SRGAP2B: variants seen among roughly 807,000 people sequenced by gnomAD.
The protein encoded by SRGAP2B is SLIT-ROBO Rho GTPase-activating protein 2B.
SRGAP2B carries 9 observed loss-of-function variants against 22.2 expected under a neutral mutation model. The ratio of observed to expected loss-of-function variants is 0.41; its 90% CI spans 0.24 to 0.71. The LOEUF (loss-of-function observed/expected upper bound fraction) is 0.71, where lower values mean the gene tolerates loss of function less well. Among genes scored for constraint, SRGAP2B ranks in the 30% least tolerant of loss-of-function variants. The pLI, the probability that SRGAP2B is intolerant of heterozygous loss-of-function variation, is 0.35. For missense variants in SRGAP2B, 114 were observed against 235.8 expected (o/e 0.48, Z 3.38); for synonymous variants, 36 against 87.4 (o/e 0.41, Z 3.28).
intron 2 of SRGAP2B, among the ~76,000 whole-genome samples, chr1:145,067,266 A>G (rs494570): frequency 2.0e-4 from 29 of 148,108 alleles, no homozygotes; most frequent in Non-Finnish European, 4.0e-4. Context: ...TCCAGCCTGG[A>G]CAACAGAACA....
At chr1:145,045,326 A>G (rs1296145561) in intron 2 of SRGAP2B, among the ~76,000 whole-genome samples, 1 of 144,440 alleles carries the variant, frequency 6.9e-6, no homozygotes, top group East Asian at 2.0e-4. Flanking sequence ...AAGAAAGAAA[A>G]GAGAAAGAAA....
At chr1:144,991,240 G>C (rs1252271555) in intron 3 of SRGAP2B, among the ~76,000 whole-genome samples, 2 of 149,800 alleles carry the variant, frequency 1.3e-5, no homozygotes, top group Non-Finnish European at 2.9e-5. Context: ...AGCTGCTCTA[G>C]TGAGGACGTG....
At chr1:144,994,573 A>T (rs78044397) in intron 3 of SRGAP2B, among the ~76,000 whole-genome samples, 68,825 of 106,098 alleles carry the variant, frequency 0.65, 18,971 homozygotes, top group African/African-American at 0.73. Context: ...TGTGTGAGAG[A>T]GAGAGAGAGA....
At chr1:144,985,325 A>G in intron 3 of SRGAP2B, among the ~76,000 whole-genome samples, 1 of 143,894 alleles carries the variant, frequency 6.9e-6, no homozygotes, top group Admixed American at 6.9e-5. Flanking sequence ...AAAGATACTG[A>G]CAGTGGGTTA....
At position 144,972,783 on chromosome 1, in the gene SRGAP2B, A is replaced by T. The variant is rs587739525; in HGVS notation, c.261-17182T>A. On this transcript the variant is annotated intron_variant, in intron 3 of 9. Coordinates refer to ENST00000612199, the Ensembl canonical transcript of SRGAP2B. The stretch of plus-strand genomic sequence containing the variant: ...GGTCACCAACTAGCATTTCTCAAAA[A>T]ATTAAGTAGGCAACAGTAGAAGAGA... Among the ~76,000 whole-genome samples, 156 of 149,186 alleles carry T rather than the reference A, an allele frequency of 1.0e-3. 7 individuals are homozygous for T. Among genetic ancestry groups the T allele is most frequent in the African/African-American group, 3.9e-3 (154 of 39,252 alleles).
intron 2 of SRGAP2B, among the ~76,000 whole-genome samples, chr1:145,045,205 G>C (rs1174049362): frequency 8.0e-6 from 1 of 125,186 alleles, no homozygotes; most frequent in Non-Finnish European, 1.7e-5. Context: ...ATGGAGAATG[G>C]AGAATGGCGT....
At chr1:144,953,211 A>G (rs1388228232) in intron 4 of SRGAP2B, among the ~76,000 whole-genome samples, 5 of 147,380 alleles carry the variant, frequency 3.4e-5, no homozygotes, top group African/African-American at 1.2e-4. Context: ...AAAAAAGAGT[A>G]CATACTGTGC....
At position 144,994,801 on chromosome 1, in the gene SRGAP2B, G is replaced by A. The variant is rs1180526669; in HGVS notation, c.260+207C>T. ...ATAAACAAGTTTGCTGTTATTATTA[G>A]CATGGTTCATCATCTACTCTCATCT... On this transcript the variant is annotated intron_variant, in intron 3 of 9. Coordinates refer to ENST00000612199, the Ensembl canonical transcript of SRGAP2B. 2.7e-5 allele frequency among the ~76,000 whole-genome samples: 4 copies of A among 150,308 alleles called. 1 individual carries two copies. The highest frequency in any genetic ancestry group is 5.0e-5 in the African/African-American group (2 of 39,906).
In SRGAP2B at chr1:145,023,035, C is replaced by T. The variant is rs587717319; in HGVS notation, c.68-27835G>A. Among the ~76,000 whole-genome samples the T allele has an allele frequency of 6.5e-4, 98 of 149,884 alleles. 4 individuals are homozygous for T. The highest frequency in any genetic ancestry group is 3.4e-3 in the Middle Eastern group (1 of 292). Reference sequence around the variant, plus strand: ...CAAAAATTAGCTGGGCATGGCGATGCGTGCCTATAGTCTCAGCTACTTGGG... The same window carrying T: ...CAAAAATTAGCTGGGCATGGCGATGTGTGCCTATAGTCTCAGCTACTTGGG... On this transcript the variant is annotated intron_variant, in intron 2 of 9. Coordinates refer to ENST00000612199, the Ensembl canonical transcript of SRGAP2B.
chr1:144,985,459 A>G (rs1553615792), intron 3 of SRGAP2B, among the ~76,000 whole-genome samples: 3 of 151,386 alleles, frequency 2.0e-5, no homozygotes, highest in African/African-American at 7.4e-5. Context: ...GGAGATCAAA[A>G]CCAAGTGAGC....
chr1:144,915,332 G>A (rs1663785466), intron 4 of SRGAP2B, among the ~76,000 whole-genome samples: 1 of 150,712 alleles, frequency 6.6e-6, no homozygotes, highest in South Asian at 2.1e-4. Flanking sequence ...GAAAATATAT[G>A]TTAAGGGGTC....
At chr1:145,066,652 C>G (rs587773435) in intron 2 of SRGAP2B, among the ~76,000 whole-genome samples, 1 of 151,602 alleles carries the variant, frequency 6.6e-6, no homozygotes, top group Admixed American at 6.6e-5. Flanking sequence ...TTACTGTGAG[C>G]GCCCAGGCCG....
intron 2 of SRGAP2B, among the ~76,000 whole-genome samples, chr1:145,041,075 GTATATATATATATATATA>G (rs370443273): frequency 2.6e-5 from 2 of 76,472 alleles, no homozygotes; most frequent in African/African-American, 5.8e-5. Context: ...TATATATATA[GTATATATATATATATATA>G]TATATATATA....
At chr1:144,940,117 T>C (rs1553607094) in intron 4 of SRGAP2B, among the ~76,000 whole-genome samples, 1 of 115,316 alleles carries the variant, frequency 8.7e-6, no homozygotes, top group Admixed American at 9.1e-5. Flanking sequence ...AACATAACTT[T>C]GCAGAGCACT....
Position 144,904,116 on chromosome 1 carries a change from A to T in SRGAP2B, c.831+975T>A, listed in dbSNP as rs1373346690. On this transcript the variant is annotated intron_variant, in intron 7 of 9. Transcript: ENST00000612199. The stretch of plus-strand genomic sequence containing the variant: ...AATCCCCTTTGCATCACATATTTTT[A>T]AAAATGGGCCAGATGTCAGGGGGAG... Among the ~76,000 whole-genome samples the T allele has an allele frequency of 3.8e-4, 56 of 148,236 alleles. 1 individual carries two copies. The highest frequency in any genetic ancestry group is 5.5e-4 in the Non-Finnish European group (37 of 67,458).
chr1:144,966,909 G>A (rs1295787052), intron 3 of SRGAP2B, among the ~76,000 whole-genome samples: 2 of 146,312 alleles, frequency 1.4e-5, no homozygotes, highest in East Asian at 3.9e-4. Context: ...ATTACATAAT[G>A]GTAAAGGGAT....
chr1:144,923,238 C>G (rs1298281951), intron 4 of SRGAP2B, among the ~76,000 whole-genome samples: 1 of 150,874 alleles, frequency 6.6e-6, no homozygotes, highest in African/African-American at 2.5e-5. Context: ...TCCCTTAAAA[C>G]AGACAATCAA....
chr1:144,942,411 TTTTA>T (rs58172421), intron 4 of SRGAP2B, among the ~76,000 whole-genome samples: 3 of 147,508 alleles, frequency 2.0e-5, no homozygotes, highest in South Asian at 2.1e-4. Context: ...GGCATTTTTA[TTTTA>T]TTTATTTATT....
At chr1:144,972,690 C>T (rs587766828) in intron 3 of SRGAP2B, among the ~76,000 whole-genome samples, 2 of 147,252 alleles carry the variant, frequency 1.4e-5, no homozygotes, top group Admixed American at 6.8e-5. Flanking sequence ...AAACAATGCT[C>T]TTAAAGCAAT....
Sources: allele counts gnomAD v4.1 joint callset (sites outside exome capture counted in the v4.1 genomes callset), GRCh38; gene constraint gnomAD v4.1.1; transcripts MANE v1.5; gene names NCBI Gene and HGNC (gene_info 2026-07-23, HGNC 2026-07-21).